Variants in CSMD1 observed in about 807,000 individuals in gnomAD.
CSMD1 encodes the protein CUB and Sushi multiple domains 1.
Under a neutral mutation model 417.5 loss-of-function variants are expected in CSMD1, and 213 were observed. That is an observed-to-expected ratio of 0.51 (90% CI 0.46 to 0.57). CSMD1 has a LOEUF of 0.57. Ranked by LOEUF, CSMD1 falls within the 20% of genes least tolerant of loss-of-function variation. The pLI is 0.00. For missense variants in CSMD1, 6,923 were observed against 4,529.7 expected (o/e 1.53, Z -15.17); for synonymous variants, 2,862 against 1,736.8 (o/e 1.65, Z -16.11).
intron 1 of CSMD1, among the ~76,000 whole-genome samples, chr8:4,943,502 A>G (rs1429014263): frequency 1.1e-4 from 2 of 17,890 alleles, no homozygotes; most frequent in East Asian, 5.7e-3. Context: ...TCTCAAAAAA[A>G]TAAAATGAAA....
intron 5 of CSMD1, among the ~76,000 whole-genome samples, chr8:3,850,238 A>C (rs1803804419): frequency 6.6e-6 from 1 of 152,250 alleles, no homozygotes; most frequent in South Asian, 2.1e-4. Flanking sequence ...CAAAAGAATA[A>C]AAAACCAATA....
intron 26 of CSMD1, among the ~76,000 whole-genome samples, chr8:3,261,120 C>A (rs1372313522): frequency 6.6e-6 from 1 of 152,146 alleles, no homozygotes; most frequent in African/African-American, 2.4e-5. Context: ...GATATCACTG[C>A]ATCCTTATAA....
intron 3 of CSMD1, among the ~76,000 whole-genome samples, chr8:4,183,084 C>G (rs953401027): frequency 6.6e-6 from 1 of 152,138 alleles, no homozygotes; most frequent in African/African-American, 2.4e-5. Flanking sequence ...ACACTCATAT[C>G]ACAGCGACAC....
chr8:3,858,690 C>G (rs1007794074), intron 5 of CSMD1, among the ~76,000 whole-genome samples: 3 of 149,710 alleles, frequency 2.0e-5, no homozygotes, highest in Admixed American at 2.0e-4. Flanking sequence ...TTTTTCTGTT[C>G]GTAATACCCC....
intron 3 of CSMD1, among the ~76,000 whole-genome samples, chr8:4,263,910 A>G (rs1804057591): frequency 6.6e-6 from 1 of 152,168 alleles, no homozygotes; most frequent in African/African-American, 2.4e-5. Context: ...ATAGTCCTGC[A>G]GTTTTCTAAA....
chr8:3,524,342 C>A (rs1376060278), intron 10 of CSMD1, among the ~76,000 whole-genome samples: 1 of 151,816 alleles, frequency 6.6e-6, no homozygotes, highest in Non-Finnish European at 1.5e-5. Flanking sequence ...CACACACATG[C>A]ACACCCAGAA....
intron 52 of CSMD1, among the ~76,000 whole-genome samples, chr8:3,006,810 C>T (rs1438335195): frequency 2.7e-5 from 4 of 149,980 alleles, no homozygotes; most frequent in Non-Finnish European, 4.4e-5. Flanking sequence ...GACCTAAAAC[C>T]ATAAAAACCC....
At chr8:3,784,088 A>G (rs1205319940) in intron 5 of CSMD1, among the ~76,000 whole-genome samples, 1 of 152,210 alleles carries the variant, frequency 6.6e-6, no homozygotes. Context: ...ATGCTTCGGA[A>G]AACATTAGTG....
chr8:4,131,432 C>T (rs1390200621), intron 3 of CSMD1, among the ~76,000 whole-genome samples: 2 of 152,100 alleles, frequency 1.3e-5, no homozygotes, highest in African/African-American at 2.4e-5. Flanking sequence ...TCTCAACTAC[C>T]CCTGAGGTCA....
intron 3 of CSMD1, among the ~76,000 whole-genome samples, chr8:4,198,649 C>A (rs1203088023): frequency 6.6e-6 from 1 of 152,160 alleles, no homozygotes; most frequent in African/African-American, 2.4e-5. Context: ...CCATTATCAA[C>A]ATAGCTTGCC....
intron 3 of CSMD1, among the ~76,000 whole-genome samples, chr8:4,373,083 G>A (rs576702862): frequency 4.6e-5 from 7 of 152,090 alleles, no homozygotes; most frequent in Admixed American, 3.3e-4. Context: ...TTACCTGTGT[G>A]GTCTGTCTCC....
intron 3 of CSMD1, among the ~76,000 whole-genome samples, chr8:4,297,664 C>G (rs1797759451): frequency 6.6e-6 from 1 of 152,150 alleles, no homozygotes; most frequent in Admixed American, 6.6e-5. Context: ...TGGATTTTGA[C>G]TACTTTCTGC....
intron 2 of CSMD1, among the ~76,000 whole-genome samples, chr8:4,598,578 T>A (rs1023335409): frequency 2.0e-4 from 30 of 152,168 alleles, no homozygotes; most frequent in African/African-American, 7.2e-4. Context: ...GGTTCAAGAT[T>A]ATAAAAAATC....
At chr8:3,992,943 T>A (rs769244520) in intron 5 of CSMD1, among the ~76,000 whole-genome samples, 12 of 152,142 alleles carry the variant, frequency 7.9e-5, no homozygotes, top group Non-Finnish European at 1.2e-4. Flanking sequence ...ATGGGATAGG[T>A]CAAGTTCATA....
intron 11 of CSMD1, among the ~76,000 whole-genome samples, chr8:3,490,516 GTAA>G (rs909853364): frequency 2.0e-5 from 3 of 152,008 alleles, no homozygotes; most frequent in African/African-American, 4.8e-5. Flanking sequence ...AGGTGTTTTG[GTAA>G]TAATAATACG....
At chr8:3,356,799 TGCTGGCTGAGC>T (rs1808825038) in intron 21 of CSMD1, among the ~76,000 whole-genome samples, 1 of 152,228 alleles carries the variant, frequency 6.6e-6, no homozygotes, top group Non-Finnish European at 1.5e-5. Context: ...TGCAGGAGGC[TGCTGGCTGAGC>T]ACTGGGTGCA....
At chr8:3,858,364 C>G (rs1168185877) in intron 5 of CSMD1, among the ~76,000 whole-genome samples, 1 of 152,102 alleles carries the variant, frequency 6.6e-6, no homozygotes, top group Admixed American at 6.6e-5. Flanking sequence ...CATGCTTGAC[C>G]TTGGTTTTAT....
chr8:4,643,015 T>A (rs1290336890), intron 1 of CSMD1, among the ~76,000 whole-genome samples: 1 of 152,146 alleles, frequency 6.6e-6, no homozygotes, highest in African/African-American at 2.4e-5. Flanking sequence ...TGAAAAGACT[T>A]GGGAATGTAT....
chr8:4,402,708 G>C (rs1309159659), intron 3 of CSMD1, among the ~76,000 whole-genome samples: 2 of 151,406 alleles, frequency 1.3e-5, no homozygotes, highest in East Asian at 1.9e-4. Context: ...TGTGAAAACA[G>C]CCGTCATATC....
Sources: gnomAD v4.1 joint callset for allele counts (sites outside exome capture counted in the v4.1 genomes callset) on GRCh38, gnomAD v4.1.1 for gene constraint, MANE v1.5 for transcripts, NCBI Gene and HGNC (gene_info 2026-07-23, HGNC 2026-07-21) for gene names.